KAT2A: variants seen among roughly 807,000 people sequenced by gnomAD.
The protein encoded by KAT2A is histone acetyltransferase KAT2A.
A neutral mutation model predicts 95.2 loss-of-function variants in KAT2A; 42 were observed. The ratio of observed to expected loss-of-function variants is 0.44; its 90% CI spans 0.34 to 0.57. The LOEUF (loss-of-function observed/expected upper bound fraction) is 0.57, where lower values mean the gene tolerates loss of function less well. Ranked by LOEUF, KAT2A falls within the 20% of genes least tolerant of loss-of-function variation. KAT2A has a pLI of 0.01. For synonymous variants in KAT2A, 449 were observed against 448.2 expected, an observed-to-expected ratio of 1.00 and a Z score of -0.02; for missense variants, 784 against 1,126.3, an observed-to-expected ratio of 0.70 and a Z score of 4.35.
In KAT2A at chr17:42,120,381, G is replaced by A. The variant is rs1359991951; in HGVS notation, c.464-11C>T. 6 of 1,613,900 alleles carry A rather than the reference G, an allele frequency of 3.7e-6. No homozygotes were observed. Among genetic ancestry groups the A allele is most frequent in the African/African-American group, 1.3e-5 (1 of 74,936 alleles). ...GGGATACGTGGTCAGCTGCAAGACA[G>A]ATGGCAGAGTTAGGAAAAATTGATA... On this transcript the variant is annotated splice_polypyrimidine_tract_variant and intron_variant, in intron 2 of 17. Transcript: ENST00000225916.
Position 42,114,079 on chromosome 17 carries a change from G to A in KAT2A, c.2241C>T (p.His747=), listed in dbSNP as rs1453676457. 1.9e-6 allele frequency: 3 copies of A among 1,542,524 alleles called. No homozygotes were observed. Among genetic ancestry groups the A allele is most frequent in the Non-Finnish European group, 2.6e-6 (3 of 1,150,096 alleles). ...LKNLLAQIKS[H]PSAWPFMEPV... is the part of the protein sequence containing the mutation. ...GCTCCATGAAGGGCCAGGCACTGGG[G>A]TGAGACTGGAGAGAAGAGCCGGGCT... The change falls in exon 17 of 18, where the codon CAC becomes CAT. Residue 747 remains histidine, a synonymous_variant. Coordinates refer to ENST00000225916, the MANE Select transcript of KAT2A (RefSeq NM_021078.3). The surrounding 1 kb of genome is among the most constrained non-coding windows in gnomAD (Gnocchi z 6.0).
rs1370016312 is a variant in KAT2A, at chr17:42,114,885, ACAC to A, written c.2019+4_2019+6del. 18 of 1,613,812 alleles carry A rather than the reference ACAC, an allele frequency of 1.1e-5. No homozygotes were observed. The highest frequency in any genetic ancestry group is 1.7e-5 in the Admixed American group (1 of 59,960). On this transcript the variant is annotated splice_donor_5th_base_variant and intron_variant, in intron 13 of 17. Coordinates refer to ENST00000225916, the MANE Select transcript of KAT2A (RefSeq NM_021078.3). The surrounding 1 kb of genome is among the most constrained non-coding windows in gnomAD (Gnocchi z 6.0). The stretch of plus-strand genomic sequence containing the variant: ...AAATCCCACAGATGCGCATGTGTGC[ACAC>A]CACCTCTTTCTGCTTCTTGATGATG...
chr17:42,118,156 C>A, intron 7 of KAT2A, 139 bp from the exon 8 acceptor site: 2 of 768,860 alleles, frequency 2.6e-6, no homozygotes, highest in South Asian at 1.7e-5. Flanking sequence ...AGAGAGAAGG[C>A]AGGGACTGGG....
chr17:42,120,539 G>A (rs142894888), intron 2 of KAT2A, among the ~76,000 whole-genome samples, 167 bp downstream of exon 2: 10 of 152,240 alleles, frequency 6.6e-5, no homozygotes, highest in East Asian at 1.9e-4. Context: ...GCCTGTTCTG[G>A]GCTGAGAGAT....
chr17:42,117,253 T>C lies in KAT2A; in HGVS notation c.1638-92A>G, dbSNP rs993987618. On this transcript the variant is annotated intron_variant, in intron 10 of 17. Transcript: ENST00000225916. The surrounding 1 kb of genome is among the most constrained non-coding windows in gnomAD (Gnocchi z 8.9). Reference sequence around the variant, plus strand: ...CTGAGCTGTAGTCAGGGTTGGGCAGTGAGAAGTAAGAATGCTCAAAGGATG... The same window carrying C: ...CTGAGCTGTAGTCAGGGTTGGGCAGCGAGAAGTAAGAATGCTCAAAGGATG... The C allele has an allele frequency of 4.3e-5, 67 of 1,574,858 alleles. No individual in the cohort carries two copies. Among genetic ancestry groups the C allele is most frequent in the Non-Finnish European group, 5.6e-5 (65 of 1,154,150 alleles).
chr17:42,121,342 G>A lies in KAT2A; in HGVS notation c.-38C>T, dbSNP rs374034171. ...AGCGGAGAGCGGCGCCGCGCTCCCA[G>A]CCCTAGGGCCGCATGGGCAACCAGC... On this transcript the variant is annotated 5_prime_UTR_variant, in exon 1 of 18. Coordinates refer to ENST00000225916, the MANE Select transcript of KAT2A (RefSeq NM_021078.3). 6 of 1,355,072 alleles carry A rather than the reference G, an allele frequency of 4.4e-6. No homozygotes were observed. In the African/African-American group the frequency reaches 6.1e-5, roughly 14 times the overall value. The allele number at this position is 1,355,072 out of a possible 1,614,324, so 83.9% of individuals were successfully genotyped here.
rs1555664966 is a variant in KAT2A, at chr17:42,113,243, G to C, written c.*406C>G. ...CAAGGCATGGCCCCCTTCAGTTTGG[G>C]CTGAACTTCCAACCCCTGAAGCCAT... On this transcript the variant is annotated 3_prime_UTR_variant, in exon 18 of 18. Coordinates refer to ENST00000225916, the MANE Select transcript of KAT2A (RefSeq NM_021078.3). 1 of 174,558 alleles carries C rather than the reference G, an allele frequency of 5.7e-6. No homozygotes were observed. Among genetic ancestry groups the C allele is most frequent in the African/African-American group, 2.4e-5 (1 of 41,862 alleles). The allele number at this position is 174,558 out of a possible 1,614,324, so 10.8% of individuals were successfully genotyped here.
At position 42,121,020 on chromosome 17, in the gene KAT2A, C is replaced by A; in HGVS notation, c.285G>T (p.Arg95=). The A allele has an allele frequency of 1.3e-6, 2 of 1,595,244 alleles. No individual in the cohort carries two copies. Among genetic ancestry groups the A allele is most frequent in the South Asian group, 1.1e-5 (1 of 88,002 alleles). ...QRASQRKAQV[R]GLPRAKKLEK... ...CAAGCTTCTTGGCGCGCGGCAGCCC[C>A]CGGACTTGCGCCTTCCTCTGACTGG... Residue 95 remains arginine, a synonymous_variant, in exon 1 of 18, where the codon CGG becomes CGT. Coordinates refer to ENST00000225916, the MANE Select transcript of KAT2A (RefSeq NM_021078.3).
In KAT2A at chr17:42,120,783, G is replaced by T. The variant is rs1555667125; in HGVS notation, c.386C>A (p.Pro129His). 1 of 1,613,880 alleles carries T rather than the reference G, an allele frequency of 6.2e-7. No individual in the cohort carries two copies. The highest frequency in any genetic ancestry group is 1.1e-5 in the South Asian group (1 of 91,062). ...KCNGWKNPKP[P>H]TAPRMDLQQP... ...CTGCAGATCCATGCGGGGTGCAGTGGGGGGCTTGGGGTTTTTCCAGCCATT... is the reference window on the plus strand; with the variant it reads ...CTGCAGATCCATGCGGGGTGCAGTGTGGGGCTTGGGGTTTTTCCAGCCATT... Residue 129 changes from proline (P) to histidine (H), a missense_variant, in exon 2 of 18, where the codon CCC becomes CAC. Pro to His is a moderately conservative substitution (Grantham distance 77, BLOSUM62 -2). Transcript: ENST00000225916.
Position 42,121,064 on chromosome 17 carries a change from G to A in KAT2A, c.241C>T (p.Leu81=), listed in dbSNP as rs1555667224. 16 of 1,577,398 alleles carry A rather than the reference G, an allele frequency of 1.0e-5. No homozygotes were observed. The highest frequency in any genetic ancestry group is 1.3e-5 in the Non-Finnish European group (15 of 1,164,336). The part of the protein sequence containing the change: ...GSGGDPARPG[L]SQQQRASQRK... ...TGACTGGCGCGCTGCTGCTGGCTCAGGCCAGGTCGAGCCGGATCCCCCCCG... is the reference window on the plus strand; with the variant it reads ...TGACTGGCGCGCTGCTGCTGGCTCAAGCCAGGTCGAGCCGGATCCCCCCCG... Residue 81 remains leucine (L), a synonymous_variant, in exon 1 of 18, where the codon CTG becomes TTG. Coordinates refer to ENST00000225916, the MANE Select transcript of KAT2A (RefSeq NM_021078.3).
intron 7 of KAT2A, 99 bp downstream of exon 7, chr17:42,118,198 G>A: frequency 2.0e-6 from 2 of 993,236 alleles, no homozygotes; most frequent in Non-Finnish European, 3.1e-6. Context: ...TCCCTCAGTG[G>A]GATCCAGGGC....
intron 12 of KAT2A, 130 bp downstream of exon 12, chr17:42,115,593 G>A (rs2054246454): frequency 2.9e-6 from 2 of 685,760 alleles, no homozygotes. Context: ...GATAGGCATG[G>A]AGACTCTCCT....
rs2054273298 is a variant in KAT2A, at chr17:42,117,315, G to A, written c.1637+73C>T. The A allele has an allele frequency of 2.6e-6, 4 of 1,564,646 alleles. No individual in the cohort carries two copies. Among genetic ancestry groups the A allele is most frequent in the East Asian group, 2.3e-5 (1 of 44,382 alleles). On this transcript the variant is annotated intron_variant, in intron 10 of 17. Transcript: ENST00000225916. This position sits in a 1 kb window ranked among gnomAD's most constrained non-coding sequence, Gnocchi z 8.9. ...TGGGGAGCAGGGGATCCCCAATTTT[G>A]AGGAGTGAAGAGGCCGAGGAGGAAG...
intron 17 of KAT2A, 60 bp downstream of exon 17, chr17:42,113,940 G>T: frequency 6.8e-7 from 1 of 1,481,088 alleles, no homozygotes; most frequent in Non-Finnish European, 9.0e-7. Flanking sequence ...GGCGCAGTGA[G>T]GGCAGGAGCA....
intron 17 of KAT2A, 50 bp from the exon 18 acceptor site, chr17:42,113,892 C>G: frequency 6.6e-7 from 1 of 1,507,632 alleles, no homozygotes; most frequent in Non-Finnish European, 8.8e-7. Flanking sequence ...AAGACCACGG[C>G]AGGGCTGTCC....
rs912696251 is a variant in KAT2A, at chr17:42,113,642, G to A, written c.*7C>T. ...TTCCAGGTCAGGGCTGCGGCCCAAAGATGGGCCTACTTGTCAATGAGGCCT... is the reference window on the plus strand; with the variant it reads ...TTCCAGGTCAGGGCTGCGGCCCAAAAATGGGCCTACTTGTCAATGAGGCCT... On this transcript the variant is annotated 3_prime_UTR_variant, in exon 18 of 18. Transcript: ENST00000225916. The A allele has an allele frequency of 1.1e-5, 17 of 1,603,682 alleles. No individual in the cohort carries two copies. Among genetic ancestry groups the A allele is most frequent in the Non-Finnish European group, 1.4e-5 (16 of 1,176,894 alleles).
Position 42,119,600 on chromosome 17 carries a change from G to A in KAT2A, c.818C>T (p.Pro273Leu). 2 of 1,613,866 alleles carry A rather than the reference G, an allele frequency of 1.2e-6. No homozygotes were observed. Among genetic ancestry groups the A allele is most frequent in the Non-Finnish European group, 1.7e-6 (2 of 1,179,842 alleles). ...LCLNYWKLET[P>L]AQFRQRSQAE... ...CTGAGACCTCTGCCGAAACTGGGCA[G>A]GTGTCTCAAGCTTCCAGTAGTTAAG... Residue 273 changes from proline (P) to leucine (L), a missense_variant, in exon 5 of 18, where the codon CCT (proline) becomes CTT (leucine). Pro to Leu is a moderately conservative substitution (Grantham distance 98). Transcript: ENST00000225916. The surrounding 1 kb of genome is among the most constrained non-coding windows in gnomAD (Gnocchi z 5.3).
At position 42,120,703 on chromosome 17, in the gene KAT2A, T is replaced by C. The variant is rs782646789; in HGVS notation, c.463+3A>G. On this transcript the variant is annotated splice_donor_region_variant and intron_variant, in intron 2 of 17. Transcript: ENST00000225916. Reference sequence around the variant, plus strand: ...CCAGCTCCAAGGGCGCTGCCTGCCTTACCCAAGGGGTGCTCACAACTGCGG... The same window carrying C: ...CCAGCTCCAAGGGCGCTGCCTGCCTCACCCAAGGGGTGCTCACAACTGCGG... The C allele has an allele frequency of 1.1e-5, 18 of 1,613,888 alleles. No individual in the cohort carries two copies. Among genetic ancestry groups the C allele is most frequent in the Non-Finnish European group, 1.4e-5 (17 of 1,180,036 alleles).
rs889275545 is a variant in KAT2A, at chr17:42,118,178, C to T, written c.1180+119G>A. 7.0e-6 allele frequency: 6 copies of T among 860,950 alleles called. 1 individual carries two copies. Among genetic ancestry groups the T allele is most frequent in the South Asian group, 3.2e-5 (2 of 63,438 alleles). The allele number at this position is 860,950 out of a possible 1,614,324, so 53.3% of individuals were successfully genotyped here. A position where few individuals can be genotyped will look rare whatever the true frequency, so the allele number is the denominator to read the frequency against. On this transcript the variant is annotated intron_variant, in intron 7 of 17. Coordinates refer to ENST00000225916, the MANE Select transcript of KAT2A (RefSeq NM_021078.3). ...AGGCAGGGACTGGGGGGGCTGAAGCCGGTGGCAGGTCCCTCAGTGGGATCC... is the reference window on the plus strand; with the variant it reads ...AGGCAGGGACTGGGGGGGCTGAAGCTGGTGGCAGGTCCCTCAGTGGGATCC...
Sources: gnomAD v4.1 joint callset for allele counts (sites outside exome capture counted in the v4.1 genomes callset) on GRCh38, gnomAD v4.1.1 for gene constraint, Gnocchi (gnomAD v3.1) non-coding constraint, MANE v1.5 for transcripts, NCBI Gene and HGNC (gene_info 2026-07-23, HGNC 2026-07-21) for gene names.